Variants in LINGO2 observed in about 807,000 individuals in gnomAD.
LINGO2 encodes the protein leucine rich repeat and Ig domain containing 2.
LINGO2 carries 14 observed loss-of-function variants against 30.6 expected under a neutral mutation model. The ratio of observed to expected loss-of-function variants is 0.46; its 90% CI spans 0.30 to 0.72. LINGO2 has a LOEUF of 0.72. Ranked by LOEUF, LINGO2 falls within the 30% of genes least tolerant of loss-of-function variation. The pLI is 0.07. For synonymous variants in LINGO2, 317 were observed against 288.5 expected, an observed-to-expected ratio of 1.10 and a Z score of -1.00; for missense variants, 729 against 751.7, an observed-to-expected ratio of 0.97 and a Z score of 0.35.
intron 4 of LINGO2, among the ~76,000 whole-genome samples, chr9:28,055,719 TAA>T (rs1262329630): frequency 1.3e-5 from 2 of 152,188 alleles, no homozygotes; most frequent in African/African-American, 4.8e-5. Context: ...TAAAATTCTT[TAA>T]AAGATATGTA....
intron 5 of LINGO2, among the ~76,000 whole-genome samples, chr9:27,952,670 C>T (rs1232116673): frequency 6.6e-6 from 1 of 151,948 alleles, no homozygotes; most frequent in Admixed American, 6.6e-5. Flanking sequence ...CATTTTAAAT[C>T]AGTGAGAAAA....
intron 4 of LINGO2, among the ~76,000 whole-genome samples, chr9:28,286,604 A>C (rs547388200): frequency 1.3e-5 from 2 of 152,336 alleles, no homozygotes; most frequent in African/African-American, 4.8e-5. Context: ...TGTAGTACGT[A>C]TATACCACGG....
the LINGO2 span, among the ~76,000 whole-genome samples, chr9:28,704,608 T>G: frequency 1.2e-4 from 19 of 152,194 alleles, no homozygotes; most frequent in East Asian, 9.7e-4. Context: ...GTCTTTCAGT[T>G]TTTCAGTCCT....
At chr9:28,949,791 G>A in the LINGO2 span, among the ~76,000 whole-genome samples, 1 of 152,034 alleles carries the variant, frequency 6.6e-6, no homozygotes, top group Admixed American at 6.6e-5. Context: ...ACCAAAACCT[G>A]GCAGAGACAC....
chr9:28,645,248 C>T (rs1827787934), intron 1 of LINGO2, among the ~76,000 whole-genome samples: 1 of 152,058 alleles, frequency 6.6e-6, no homozygotes, highest in African/African-American at 2.4e-5. Context: ...AAGAACTGGA[C>T]ATAACCCACT....
chr9:28,049,780 T>TA (rs1824588601), intron 4 of LINGO2, among the ~76,000 whole-genome samples: 1 of 149,060 alleles, frequency 6.7e-6, no homozygotes, highest in African/African-American at 2.5e-5. Context: ...TGGGATGAGG[T>TA]AGGAGGTAGG....
chr9:28,569,373 T>C (rs955603659), intron 1 of LINGO2, among the ~76,000 whole-genome samples: 1 of 151,252 alleles, frequency 6.6e-6, no homozygotes, highest in African/African-American at 2.4e-5. Context: ...ACAGCCAAGA[T>C]CTAGAAATAA....
intron 4 of LINGO2, among the ~76,000 whole-genome samples, chr9:28,066,479 A>G (rs1825317021): frequency 6.6e-6 from 1 of 152,128 alleles, no homozygotes; most frequent in Non-Finnish European, 1.5e-5. Flanking sequence ...CTGAAGATGT[A>G]TCATGATCTC....
intron 4 of LINGO2, among the ~76,000 whole-genome samples, chr9:28,169,591 T>C (rs1326059507): frequency 6.6e-6 from 1 of 152,210 alleles, no homozygotes; most frequent in African/African-American, 2.4e-5. Context: ...TGGGTTCTGA[T>C]GTTACGTAGT....
chr9:28,212,647 T>C (rs919642362), intron 4 of LINGO2, among the ~76,000 whole-genome samples: 1 of 151,440 alleles, frequency 6.6e-6, no homozygotes, highest in African/African-American at 2.4e-5. Flanking sequence ...TAGATCTGCA[T>C]TGATCAATAC....
chr9:29,170,523 C>G, the LINGO2 span, among the ~76,000 whole-genome samples: 1 of 151,936 alleles, frequency 6.6e-6, no homozygotes, highest in East Asian at 1.9e-4. Flanking sequence ...ACACTAAAAG[C>G]CCAGACTTCA....
At chr9:29,021,142 T>C in the LINGO2 span, among the ~76,000 whole-genome samples, 8 of 152,172 alleles carry the variant, frequency 5.3e-5, no homozygotes, top group African/African-American at 1.9e-4. Context: ...GCTTGTACTA[T>C]ACTGTATACT....
At chr9:28,413,241 C>T (rs1220245226) in intron 2 of LINGO2, among the ~76,000 whole-genome samples, 1 of 151,970 alleles carries the variant, frequency 6.6e-6, no homozygotes, top group Non-Finnish European at 1.5e-5. Flanking sequence ...ACCCCCACCC[C>T]ATATTGTTTA....
intron 4 of LINGO2, among the ~76,000 whole-genome samples, chr9:28,250,686 G>GC (rs1481701453): frequency 6.6e-6 from 1 of 152,174 alleles, no homozygotes; most frequent in Non-Finnish European, 1.5e-5. Flanking sequence ...CCTCACCAGA[G>GC]CTACGCTATA....
At chr9:28,060,572 G>T (rs1404592567) in intron 4 of LINGO2, among the ~76,000 whole-genome samples, 3 of 152,260 alleles carry the variant, frequency 2.0e-5, no homozygotes, top group Admixed American at 1.3e-4. Flanking sequence ...TAACCTAGCA[G>T]TCTGACTTTA....
At chr9:28,894,158 A>T in the LINGO2 span, among the ~76,000 whole-genome samples, 4 of 152,062 alleles carry the variant, frequency 2.6e-5, no homozygotes, top group East Asian at 7.7e-4. Flanking sequence ...TCATTGTTGG[A>T]CATTTGGGTT....
At chr9:28,183,536 C>T (rs1819434023) in intron 4 of LINGO2, among the ~76,000 whole-genome samples, 1 of 152,016 alleles carries the variant, frequency 6.6e-6, no homozygotes, top group African/African-American at 2.4e-5. Context: ...TAGAATACAG[C>T]CTCACTCATT....
intron 2 of LINGO2, among the ~76,000 whole-genome samples, chr9:28,461,912 G>A (rs1421242516): frequency 6.6e-6 from 1 of 152,092 alleles, no homozygotes; most frequent in Non-Finnish European, 1.5e-5. Context: ...GTTATTAGAT[G>A]TCAGCAGTCC....
chr9:28,793,469 C>T, the LINGO2 span, among the ~76,000 whole-genome samples: 1 of 152,154 alleles, frequency 6.6e-6, no homozygotes, highest in African/African-American at 2.4e-5. Context: ...TCCAAGAAAA[C>T]TTGAGACTTT....
Sources: gnomAD v4.1 joint callset for allele counts (sites outside exome capture counted in the v4.1 genomes callset) on GRCh38, gnomAD v4.1.1 for gene constraint, MANE v1.5 for transcripts, NCBI Gene and HGNC (gene_info 2026-07-23, HGNC 2026-07-21) for gene names.